The following F11R variants were observed in gnomAD, a reference collection of about 807,000 sequenced individuals.
F11R encodes F11 receptor.
In F11R, 27 loss-of-function variants were observed where a neutral mutation model predicts 39.3. That is an observed-to-expected ratio of 0.69 (90% CI 0.51 to 0.95). The LOEUF (loss-of-function observed/expected upper bound fraction) is 0.95. F11R is among the 40% of genes least tolerant of loss of function. The pLI is 0.00. For missense variants in F11R, 335 were observed against 372.7 expected (o/e 0.90, Z 0.83); for synonymous variants, 131 against 144.9 (o/e 0.90, Z 0.69).
chr1:161,001,477 C>G, intron 1 of F11R, 124 bp from the exon 2 acceptor site: 1 of 735,286 alleles, frequency 1.4e-6, no homozygotes, highest in Non-Finnish European at 2.3e-6. Flanking sequence ...GGATTCCAGA[C>G]TTATGCTCCC....
At chr1:161,016,168 T>C (rs910185514) in intron 1 of F11R, among the ~76,000 whole-genome samples, 2 of 152,008 alleles carry the variant, frequency 1.3e-5, no homozygotes, top group East Asian at 1.9e-4. Flanking sequence ...TGAAAACCCG[T>C]CTCTACTAAA....
At chr1:161,019,763 G>GTTT (rs1343844060) in intron 1 of F11R, among the ~76,000 whole-genome samples, 12 of 150,182 alleles carry the variant, frequency 8.0e-5, no homozygotes, top group Admixed American at 5.3e-4. Context: ...CAAGTCAAGA[G>GTTT]GGTTTGGTTC....
In F11R at chr1:161,017,365, G is replaced by A. The variant is rs1042733537; in HGVS notation, c.64+3645C>T. ...CGTCCCTGGGCAATGGAATGTCTCGGTATAAAACCAAGACATTGTACGTTC... is the reference window on the plus strand; with the variant it reads ...CGTCCCTGGGCAATGGAATGTCTCGATATAAAACCAAGACATTGTACGTTC... On this transcript the variant is annotated intron_variant, in intron 1 of 9. Coordinates refer to ENST00000368026, the MANE Select transcript of F11R (RefSeq NM_016946.6). 2.0e-5 allele frequency among the ~76,000 whole-genome samples: 3 copies of A among 152,336 alleles called. No homozygotes were observed. In the East Asian group the frequency reaches 5.8e-4, roughly 29 times the overall value.
rs1295111699 is a variant in F11R, at chr1:161,010,449, A to AAAAAAAAC, written c.65-9097_65-9096insGTTTTTTT. 4.0e-5 allele frequency among the ~76,000 whole-genome samples: 6 copies of AAAAAAAAC among 151,182 alleles called. 1 individual carries two copies. The highest frequency in any genetic ancestry group is 7.4e-5 in the Non-Finnish European group (5 of 67,744). ...ACAGAGCGAGACTCCATCAAAAAAA[A>AAAAAAAAC]AAAAAAAACAGTTGATCCAAACCAT... On this transcript the variant is annotated intron_variant, in intron 1 of 9. Transcript: ENST00000368026.
chr1:161,009,451 T>C (rs1403046412), intron 1 of F11R, among the ~76,000 whole-genome samples: 3 of 140,588 alleles, frequency 2.1e-5, no homozygotes, highest in Non-Finnish European at 3.1e-5. Flanking sequence ...GAGACCCCCA[T>C]CTGTACCAAA....
At chr1:160,998,979 G>A (rs1193334873) in intron 9 of F11R, 64 bp downstream of exon 9, 1 of 1,613,306 alleles carries the variant, frequency 6.2e-7, no homozygotes, top group Non-Finnish European at 8.5e-7. Context: ...ACATAAACAT[G>A]GGCTAGAAAT....
chr1:161,006,447 T>C (rs1648824203), intron 1 of F11R, among the ~76,000 whole-genome samples: 1 of 152,164 alleles, frequency 6.6e-6, no homozygotes, highest in African/African-American at 2.4e-5. Flanking sequence ...AATCACAACA[T>C]GTGAATTTGA....
intron 1 of F11R, among the ~76,000 whole-genome samples, chr1:161,015,652 CAG>C (rs1411222467): frequency 3.4e-5 from 5 of 147,928 alleles, no homozygotes; most frequent in Non-Finnish European, 5.9e-5. Flanking sequence ...GCCTGGGCAA[CAG>C]AGTGAGACCC....
intron 1 of F11R, among the ~76,000 whole-genome samples, chr1:161,007,419 C>G (rs931907308): frequency 6.6e-6 from 1 of 151,474 alleles, no homozygotes; most frequent in Non-Finnish European, 1.5e-5. Context: ...GAGCCAAGAT[C>G]GTGCCATTGC....
rs901508432 is a variant in F11R at position 161,002,821 on chromosome 1, C to A, written c.65-1468G>T. Reference sequence around the variant, plus strand: ...TTAATGTTTAGATAATATTTGTATACCTGTATTTCAATCTGATATAATAAC... The same window carrying A: ...TTAATGTTTAGATAATATTTGTATAACTGTATTTCAATCTGATATAATAAC... On this transcript the variant is annotated intron_variant, in intron 1 of 9. Coordinates refer to ENST00000368026, the MANE Select transcript of F11R (RefSeq NM_016946.6). 2.0e-5 allele frequency among the ~76,000 whole-genome samples: 3 copies of A among 151,962 alleles called. No homozygotes were observed. In the East Asian group the frequency reaches 5.8e-4, roughly 29 times the overall value.
intron 1 of F11R, among the ~76,000 whole-genome samples, chr1:161,008,923 G>A (rs998672022): frequency 1.3e-5 from 2 of 151,872 alleles, no homozygotes; most frequent in Admixed American, 6.6e-5. Flanking sequence ...TCTGCCAAAC[G>A]CCCACCTCCC....
At position 161,021,059 on chromosome 1, in the gene F11R, C is replaced by T. The variant is rs372835266; in HGVS notation, c.15G>A (p.Ala5=). ...GGCACAACAGTTTCCTCTCGACTTG[C>T]GCCTTTGTCCCCATCGCGATCAGGC... MGTK[A]QVERKLLCLF... Residue 5 remains alanine, a synonymous_variant, in exon 1 of 10, where the codon GCG becomes GCA. Coordinates refer to ENST00000368026, the MANE Select transcript of F11R (RefSeq NM_016946.6). 2.5e-6 allele frequency: 4 copies of T among 1,613,710 alleles called. No homozygotes were observed. The highest frequency in any genetic ancestry group is 2.7e-5 in the African/African-American group (2 of 74,916).
At chr1:161,011,117 C>T (rs180935092) in intron 1 of F11R, among the ~76,000 whole-genome samples, 54 of 151,980 alleles carry the variant, frequency 3.6e-4, no homozygotes, top group African/African-American at 1.3e-3. Context: ...ATGGCAACTT[C>T]CACCTCCCAG....
intron 1 of F11R, among the ~76,000 whole-genome samples, chr1:161,011,810 A>C (rs532570661): frequency 9.2e-5 from 14 of 152,242 alleles, no homozygotes; most frequent in Admixed American, 3.9e-4. Context: ...ATGAAACACC[A>C]GTAATAAGTG....
chr1:161,001,260 C>G, intron 2 of F11R, 25 bp downstream of exon 2: 3 of 1,613,114 alleles, frequency 1.9e-6, no homozygotes, highest in Non-Finnish European at 2.5e-6. Flanking sequence ...CACCCTCACA[C>G]CCTCCATGGC....
chr1:161,011,431 A>C (rs968096280), intron 1 of F11R, among the ~76,000 whole-genome samples: 3 of 151,858 alleles, frequency 2.0e-5, no homozygotes, highest in Admixed American at 6.5e-5. Context: ...TTTAGGAATA[A>C]TGTAGAAAGG....
At chr1:161,015,876 AC>A (rs1256724521) in intron 1 of F11R, among the ~76,000 whole-genome samples, 1 of 152,092 alleles carries the variant, frequency 6.6e-6, no homozygotes, top group Admixed American at 6.6e-5. Flanking sequence ...GGAATGAGAT[AC>A]CCCACCCCTT....
intron 1 of F11R, among the ~76,000 whole-genome samples, chr1:161,004,818 A>G (rs1297039642): frequency 6.6e-6 from 1 of 152,148 alleles, no homozygotes; most frequent in Non-Finnish European, 1.5e-5. Flanking sequence ...TATTTTATTT[A>G]TATATTTGCC....
chr1:161,019,202 T>C (rs1557896661), intron 1 of F11R, among the ~76,000 whole-genome samples: 1 of 151,756 alleles, frequency 6.6e-6, no homozygotes, highest in Non-Finnish European at 1.5e-5. Context: ...AAATTGACTA[T>C]GGGTGTCACT....
Sources: allele counts gnomAD v4.1 joint callset (sites outside exome capture counted in the v4.1 genomes callset), GRCh38; gene constraint gnomAD v4.1.1; transcripts MANE v1.5; gene names NCBI Gene and HGNC (gene_info 2026-07-23, HGNC 2026-07-21).